Variants in SH3GL3 observed in about 807,000 individuals in gnomAD.
The protein encoded by SH3GL3 is endophilin-A3.
SH3GL3 carries 33 observed loss-of-function variants against 47.7 expected under a neutral mutation model. The observed-to-expected ratio is 0.69, with a 90% CI of 0.52 to 0.92. The LOEUF is 0.92. Among genes scored for constraint, SH3GL3 ranks in the 40% least tolerant of loss-of-function variants. The pLI is 0.00. For synonymous variants in SH3GL3, 155 were observed against 148.8 expected, an observed-to-expected ratio of 1.04 and a Z score of -0.30; for missense variants, 363 against 417.8, an observed-to-expected ratio of 0.87 and a Z score of 1.14.
At chr15:83,505,523 CTTT>C (rs35112953) in intron 1 of SH3GL3, among the ~76,000 whole-genome samples, 21 of 92,014 alleles carry the variant, frequency 2.3e-4, no homozygotes, top group Non-Finnish European at 3.5e-4. Context: ...CTTGAATTTC[CTTT>C]TTTTTTTTTT....
intron 1 of SH3GL3, among the ~76,000 whole-genome samples, chr15:83,479,453 CAAG>C (rs778249358): frequency 9.9e-5 from 15 of 152,050 alleles, no homozygotes; most frequent in Non-Finnish European, 1.8e-4. Flanking sequence ...CACTATTAAT[CAAG>C]TTAGTTACCA....
intron 2 of SH3GL3, among the ~76,000 whole-genome samples, chr15:83,563,945 T>C (rs1178825752): frequency 6.6e-6 from 1 of 152,210 alleles, no homozygotes; most frequent in Non-Finnish European, 1.5e-5. Flanking sequence ...GCCTTTTCCT[T>C]CTTTCTTGTT....
At chr15:83,559,736 G>T (rs981046752) in intron 2 of SH3GL3, among the ~76,000 whole-genome samples, 2 of 152,150 alleles carry the variant, frequency 1.3e-5, no homozygotes, top group African/African-American at 2.4e-5. Context: ...CCCATGTGTT[G>T]CAGGAGCTGC....
chr15:83,578,231 C>A (rs2059737695), intron 6 of SH3GL3, among the ~76,000 whole-genome samples: 1 of 152,166 alleles, frequency 6.6e-6, no homozygotes, highest in African/African-American at 2.4e-5. Flanking sequence ...TTTAAGGGGC[C>A]ATTGGCACTT....
In SH3GL3 at chr15:83,559,252, G is replaced by A. The variant is rs1207558509; in HGVS notation, c.46-1G>A. 6.6e-7 allele frequency: 1 copy of A among 1,515,006 alleles called. No individual in the cohort carries two copies. The highest frequency in any genetic ancestry group is 2.3e-5 in the East Asian group (1 of 44,364). The allele number at this position is 1,515,006 out of a possible 1,614,324, so 93.8% of individuals were successfully genotyped here. A position where few individuals can be genotyped will look rare whatever the true frequency, so the allele number is the denominator to read the frequency against. ...GCAATTATTTATGTTTATTTCTGCA[G>A]CTATTTAGTGAAAAAATAAGTGGTG... On this transcript the variant is annotated splice_acceptor_variant, in intron 1 of 8. Coordinates refer to ENST00000427482, the MANE Select transcript of SH3GL3 (RefSeq NM_003027.5). LOFTEE classifies it high-confidence loss of function.
At chr15:83,557,176 G>C (rs2045005268) in intron 1 of SH3GL3, among the ~76,000 whole-genome samples, 1 of 152,186 alleles carries the variant, frequency 6.6e-6, no homozygotes, top group South Asian at 2.1e-4. Flanking sequence ...AAACGTGGAG[G>C]TGCCACTCCC....
intron 1 of SH3GL3, among the ~76,000 whole-genome samples, chr15:83,461,370 A>C (rs998877021): frequency 2.6e-5 from 4 of 152,214 alleles, no homozygotes; most frequent in Non-Finnish European, 5.9e-5. Flanking sequence ...AACCAAGATC[A>C]AACAGAGCAA....
intron 1 of SH3GL3, among the ~76,000 whole-genome samples, chr15:83,481,476 TC>T (rs34491244): frequency 6.6e-6 from 1 of 152,170 alleles, no homozygotes; most frequent in Non-Finnish European, 1.5e-5. Flanking sequence ...TTGCTACTTC[TC>T]CCTGCTGGTT....
chr15:83,596,630 T>C (rs2060243691), intron 8 of SH3GL3, among the ~76,000 whole-genome samples: 1 of 152,110 alleles, frequency 6.6e-6, no homozygotes, highest in African/African-American at 2.4e-5. Flanking sequence ...AGTGTGTTTT[T>C]GTTTGTTTGT....
At position 83,595,946 on chromosome 15, in the gene SH3GL3, G is replaced by A. The variant is rs116537309; in HGVS notation, c.838+7175G>A. ...ATTGATCTTAAAGAGCCAGCTCTCTGTCTCATTGAGTTTTCTCTGTTGTCA... is the reference window on the plus strand; with the variant it reads ...ATTGATCTTAAAGAGCCAGCTCTCTATCTCATTGAGTTTTCTCTGTTGTCA... On this transcript the variant is annotated intron_variant, in intron 8 of 8. Transcript: ENST00000427482. Among the ~76,000 whole-genome samples, 377 of 152,160 alleles carry A rather than the reference G, an allele frequency of 2.5e-3. 2 individuals are homozygous for A. The highest frequency in any genetic ancestry group is 8.4e-3 in the African/African-American group (348 of 41,530).
intron 1 of SH3GL3, among the ~76,000 whole-genome samples, chr15:83,514,963 A>G (rs1336122849): frequency 1.3e-5 from 2 of 152,080 alleles, no homozygotes; most frequent in Non-Finnish European, 2.9e-5. Flanking sequence ...GATGTGAAGG[A>G]GAGATCAGGG....
chr15:83,556,709 C>A (rs1427116877), intron 1 of SH3GL3, among the ~76,000 whole-genome samples: 1 of 152,178 alleles, frequency 6.6e-6, no homozygotes, highest in Non-Finnish European at 1.5e-5. Flanking sequence ...AACACACCAT[C>A]CGAAAACACA....
At chr15:83,584,553 C>T (rs1043277132) in intron 6 of SH3GL3, among the ~76,000 whole-genome samples, 2 of 152,154 alleles carry the variant, frequency 1.3e-5, no homozygotes, top group Non-Finnish European at 2.9e-5. Context: ...TGTCAACCAC[C>T]GAGGCCTGTG....
chr15:83,582,205 T>TGTA (rs1567010364), intron 6 of SH3GL3, among the ~76,000 whole-genome samples: 6 of 152,206 alleles, frequency 3.9e-5, no homozygotes, highest in African/African-American at 1.2e-4. Flanking sequence ...TAGTAGCAAA[T>TGTA]GTAGGTCTTT....
chr15:83,478,703 T>A (rs1214477117), intron 1 of SH3GL3, among the ~76,000 whole-genome samples: 1 of 152,206 alleles, frequency 6.6e-6, no homozygotes, highest in Non-Finnish European at 1.5e-5. Flanking sequence ...TGTGTGATGG[T>A]GAACGAGTCA....
At position 83,618,133 on chromosome 15, in the gene SH3GL3, A is replaced by C; in HGVS notation, c.890A>C (p.Glu297Ala). 2 of 1,613,980 alleles carry C rather than the reference A, an allele frequency of 1.2e-6. No homozygotes were observed. Among genetic ancestry groups the C allele is most frequent in the Non-Finnish European group, 1.7e-6 (2 of 1,179,820 alleles). ...TGCTGTCGTGGTCTCTATGACTTTG[A>C]GCCAGAAAACCAAGGAGAATTAGGA... The part of the protein sequence containing the change: ...QPCCRGLYDF[E>A]PENQGELGFK... Residue 297 changes from glutamate to alanine, a missense_variant, in exon 9 of 9, where the codon GAG becomes GCG. Coordinates refer to ENST00000427482, the MANE Select transcript of SH3GL3 (RefSeq NM_003027.5).
chr15:83,489,950 T>C (rs2041804792), intron 1 of SH3GL3, among the ~76,000 whole-genome samples: 1 of 152,162 alleles, frequency 6.6e-6, no homozygotes, highest in African/African-American at 2.4e-5. Flanking sequence ...AGATAGATGA[T>C]AGATTATAAA....
At chr15:83,449,168 T>C (rs780717147) in intron 1 of SH3GL3, among the ~76,000 whole-genome samples, 8 of 152,224 alleles carry the variant, frequency 5.3e-5, no homozygotes, top group Non-Finnish European at 7.3e-5. Context: ...CCAGTAATTG[T>C]TGAGCAGTGA....
intron 1 of SH3GL3, among the ~76,000 whole-genome samples, chr15:83,487,559 T>G (rs190751747): frequency 6.6e-6 from 1 of 152,328 alleles, no homozygotes; most frequent in East Asian, 1.9e-4. Flanking sequence ...CTCTTTTTTT[T>G]GAGGAACGGT....
Sources: allele counts gnomAD v4.1 joint callset (sites outside exome capture counted in the v4.1 genomes callset), GRCh38; gene constraint gnomAD v4.1.1; transcripts MANE v1.5; gene names NCBI Gene and HGNC (gene_info 2026-07-23, HGNC 2026-07-21).